The following SLC1A1 variants were observed in gnomAD, a reference collection of about 807,000 sequenced individuals.
SLC1A1 encodes the protein excitatory amino acid transporter 3.
Under a neutral mutation model 53.3 loss-of-function variants are expected in SLC1A1, and 43 were observed. That is an observed-to-expected ratio of 0.81 (90% CI 0.63 to 1.04). The LOEUF is 1.04. Among genes scored for constraint, SLC1A1 ranks in the 50% least tolerant of loss-of-function variants. SLC1A1 has a pLI of 0.00. For synonymous variants in SLC1A1, 307 were observed against 243.2 expected, an observed-to-expected ratio of 1.26 and a Z score of -2.44; for missense variants, 748 against 664.9, an observed-to-expected ratio of 1.12 and a Z score of -1.37.
At chr9:4,533,163 C>G (rs537126904) in intron 1 of SLC1A1, among the ~76,000 whole-genome samples, 1 of 152,196 alleles carries the variant, frequency 6.6e-6, no homozygotes, top group East Asian at 1.9e-4. Flanking sequence ...AACTAACGAG[C>G]AAAATAACCA....
rs890361427 is a variant in SLC1A1 at position 4,549,048 on chromosome 9, G to A, written c.232+4341G>A. On this transcript the variant is annotated intron_variant, in intron 2 of 11. Transcript: ENST00000262352. The surrounding 1 kb of genome is among the most constrained non-coding windows in gnomAD (Gnocchi z 4.1). The stretch of plus-strand genomic sequence containing the variant: ...CTGGAAAAATCCTGGTCCAGCCAGT[G>A]AGTTTAAATTCAGGTCACATTTTCT... Among the ~76,000 whole-genome samples the A allele has an allele frequency of 7.2e-5, 11 of 152,224 alleles. No homozygotes were observed. Among genetic ancestry groups the A allele is most frequent in the African/African-American group, 2.2e-4 (9 of 41,458 alleles).
At chr9:4,499,475 G>C (rs1241848689) in intron 1 of SLC1A1, among the ~76,000 whole-genome samples, 1 of 152,108 alleles carries the variant, frequency 6.6e-6, no homozygotes, top group Non-Finnish European at 1.5e-5. Flanking sequence ...GCTTATGCCT[G>C]GTGTTTTCAT....
intron 4 of SLC1A1, 127 bp from the exon 5 acceptor site, chr9:4,565,920 C>G: frequency 2.5e-6 from 2 of 793,808 alleles, no homozygotes; most frequent in Non-Finnish European, 2.2e-6. Flanking sequence ...AAGTATTACG[C>G]AAAGCAGGGG....
At chr9:4,502,309 C>A (rs1002401532) in intron 1 of SLC1A1, among the ~76,000 whole-genome samples, 2 of 136,464 alleles carry the variant, frequency 1.5e-5, no homozygotes, top group African/African-American at 2.9e-5. Context: ...ATCACTTGAG[C>A]CCGGGAGGTT....
intron 10 of SLC1A1, 47 bp downstream of exon 10, chr9:4,576,810 C>A (rs1468306390): frequency 6.5e-7 from 1 of 1,548,774 alleles, no homozygotes; most frequent in Non-Finnish European, 8.9e-7. Flanking sequence ...ACAGGGATTA[C>A]CGCCAGTAAA....
At chr9:4,516,749 A>G (rs969265332) in intron 1 of SLC1A1, among the ~76,000 whole-genome samples, 6 of 152,214 alleles carry the variant, frequency 3.9e-5, no homozygotes, top group African/African-American at 1.4e-4. Flanking sequence ...ATCTTTGTAT[A>G]TTATAGTTTA....
At chr9:4,541,348 T>C (rs963481102) in intron 1 of SLC1A1, among the ~76,000 whole-genome samples, 1 of 152,220 alleles carries the variant, frequency 6.6e-6, no homozygotes, top group Non-Finnish European at 1.5e-5. Flanking sequence ...CAAAGAAGTT[T>C]AGTAGGATTA....
chr9:4,555,305 A>G (rs7856675), intron 2 of SLC1A1, among the ~76,000 whole-genome samples: 15,774 of 152,238 alleles, frequency 0.1, 1,164 homozygotes, highest in African/African-American at 0.2. Context: ...AGAACTTCCA[A>G]TAAGGGGTTG....
rs115858803 is a variant in SLC1A1 at position 4,567,435 on chromosome 9, T to G, written c.484-234T>G. ...GTTTATTGTGAAAGTGAAGGAACATTTTGACATAATTGAATGGTGATCGTG... is the reference window on the plus strand; with the variant it reads ...GTTTATTGTGAAAGTGAAGGAACATGTTGACATAATTGAATGGTGATCGTG... On this transcript the variant is annotated intron_variant, in intron 5 of 11. Transcript: ENST00000262352. Among the ~76,000 whole-genome samples, 134 of 152,302 alleles carry G rather than the reference T, an allele frequency of 8.8e-4. 1 individual carries two copies. Among genetic ancestry groups the G allele is most frequent in the African/African-American group, 3.2e-3 (131 of 41,556 alleles).
chr9:4,558,757 T>G (rs1818660090), intron 2 of SLC1A1, among the ~76,000 whole-genome samples: 1 of 152,154 alleles, frequency 6.6e-6, no homozygotes, highest in Non-Finnish European at 1.5e-5. Flanking sequence ...AACAGCTCTG[T>G]AACTACTCTG....
intron 1 of SLC1A1, among the ~76,000 whole-genome samples, chr9:4,504,176 G>C (rs780015804): frequency 2.0e-5 from 3 of 152,190 alleles, no homozygotes; most frequent in Non-Finnish European, 2.9e-5. Flanking sequence ...GGGCTAATTA[G>C]AGAAAATGGA....
chr9:4,496,527 G>C (rs560328658), intron 1 of SLC1A1, among the ~76,000 whole-genome samples: 2 of 152,030 alleles, frequency 1.3e-5, no homozygotes, highest in Non-Finnish European at 2.9e-5. Flanking sequence ...GCCTTGTTTT[G>C]TTTTGTTTTT....
chr9:4,559,587 T>C (rs1269450689), intron 2 of SLC1A1, among the ~76,000 whole-genome samples: 2 of 152,146 alleles, frequency 1.3e-5, no homozygotes, highest in Admixed American at 6.5e-5. Flanking sequence ...GAAATGAACA[T>C]AAAAGTTACC....
chr9:4,561,388 C>A, intron 2 of SLC1A1, 61 bp from the exon 3 acceptor site: 2 of 990,030 alleles, frequency 2.0e-6, no homozygotes, highest in South Asian at 1.3e-5. Flanking sequence ...AGGATTAAAT[C>A]GCGGGTCCTG....
chr9:4,508,290 T>C (rs1418190035), intron 1 of SLC1A1, among the ~76,000 whole-genome samples: 1 of 152,198 alleles, frequency 6.6e-6, no homozygotes, highest in Non-Finnish European at 1.5e-5. Context: ...GTCATAGATA[T>C]GTATCTCGGG....
At position 4,585,425 on chromosome 9, in the gene SLC1A1, T is replaced by G; in HGVS notation, c.1442T>G (p.Ile481Ser). The change falls in exon 12 of 12, where the codon ATT becomes AGT. Residue 481 changes from isoleucine to serine, a missense_variant. Ile to Ser is a moderately radical substitution (Grantham distance 142, BLOSUM62 -2). Transcript: ENST00000262352. ...ATGGATGTTTCATCTGAAGTCAACA[T>G]TGTGAATCCCTTTGCCTTGGAATCC... ...EQMDVSSEVN[I>S]VNPFALESTI... 1.2e-6 allele frequency: 2 copies of G among 1,614,182 alleles called. No individual in the cohort carries two copies. The highest frequency in any genetic ancestry group is 1.7e-6 in the Non-Finnish European group (2 of 1,180,020).
intron 5 of SLC1A1, 22 bp downstream of exon 5, chr9:4,566,111 C>T (rs762535064): frequency 6.3e-7 from 1 of 1,595,202 alleles, no homozygotes; most frequent in South Asian, 1.1e-5. Context: ...TACTTGTGCC[C>T]TTAACTTGCT....
intron 2 of SLC1A1, among the ~76,000 whole-genome samples, chr9:4,552,645 G>C (rs1164189672): frequency 3.3e-5 from 5 of 152,046 alleles, no homozygotes; most frequent in African/African-American, 9.7e-5. Flanking sequence ...ATCCATCCTA[G>C]AGGGGCAAGA....
At chr9:4,521,117 T>A (rs190757168) in intron 1 of SLC1A1, among the ~76,000 whole-genome samples, 86 of 152,374 alleles carry the variant, frequency 5.6e-4, no homozygotes, top group Non-Finnish European at 1.0e-3. Context: ...TTTAACAATT[T>A]GGTTGTCTTT....
Sources: allele counts gnomAD v4.1 joint callset (sites outside exome capture counted in the v4.1 genomes callset), GRCh38; gene constraint gnomAD v4.1.1; non-coding constraint Gnocchi (gnomAD v3.1); transcripts MANE v1.5; gene names NCBI Gene and HGNC (gene_info 2026-07-23, HGNC 2026-07-21).